The following FIBCD1 variants were observed in gnomAD, a reference collection of about 807,000 sequenced individuals.
FIBCD1 encodes fibrinogen C domain-containing protein 1.
A neutral mutation model predicts 45.1 loss-of-function variants in FIBCD1; 47 were observed. The observed-to-expected ratio is 1.04, with a 90% CI of 0.82 to 1.33. FIBCD1 has a LOEUF of 1.33. FIBCD1 is among the 40% of genes most tolerant of loss of function. The pLI is 0.00. For synonymous variants in FIBCD1, 313 were observed against 308.1 expected, an observed-to-expected ratio of 1.02 and a Z score of -0.17; for missense variants, 653 against 682.2, an observed-to-expected ratio of 0.96 and a Z score of 0.48.
rs1412083767 is a variant in FIBCD1, at chr9:130,922,941, A to T, written c.849+803T>A. On this transcript the variant is annotated intron_variant, in intron 4 of 6. Coordinates refer to ENST00000372338, the MANE Select transcript of FIBCD1 (RefSeq NM_032843.5). This position sits in a 1 kb window ranked among gnomAD's most constrained non-coding sequence, Gnocchi z 4.5. Reference sequence around the variant, plus strand: ...ATGAGAAATGCCCCCTTCTCCAGGAAGCTTTACCCTCCCCTCTGCTACAGT... The same window carrying T: ...ATGAGAAATGCCCCCTTCTCCAGGATGCTTTACCCTCCCCTCTGCTACAGT... Among the ~76,000 whole-genome samples the T allele has an allele frequency of 6.6e-6, 1 of 152,150 alleles. No homozygotes were observed. Among genetic ancestry groups the T allele is most frequent in the East Asian group, 1.9e-4 (1 of 5,202 alleles).
intron 1 of FIBCD1, among the ~76,000 whole-genome samples, chr9:130,931,908 T>C (rs1216784298): frequency 1.3e-5 from 2 of 152,280 alleles, no homozygotes; most frequent in African/African-American, 4.8e-5. Flanking sequence ...ACTTCGTATA[T>C]TAAAGCACTT....
intron 5 of FIBCD1, 88 bp from the exon 6 acceptor site, chr9:130,905,501 T>C (rs1564332209): frequency 7.3e-7 from 1 of 1,377,524 alleles, no homozygotes; most frequent in African/African-American, 1.4e-5. Context: ...GCTGAGCTCA[T>C]GCAGTTGGGG....
chr9:130,929,757 TCTGTCAGCGC>T lies in FIBCD1; in HGVS notation c.352_361del (p.Ala118SerfsTer77), dbSNP rs1309483783. On this transcript the variant is annotated frameshift_variant, in exon 2 of 7. Coordinates refer to ENST00000372338, the MANE Select transcript of FIBCD1 (RefSeq NM_032843.5). LOFTEE classifies it high-confidence loss of function. ...CACCAGCCGTGGCTGGGCCTGGTGC[TCTGTCAGCGC>T]CTGCAGCACCGAGGCCTGGGCGCTC... is the stretch of plus-strand genomic sequence containing the variant. 6.4e-7 allele frequency: 1 copy of T among 1,563,294 alleles called. No individual in the cohort carries two copies. The highest frequency in any genetic ancestry group is 1.9e-5 in the Admixed American group (1 of 53,222).
In FIBCD1 at chr9:130,916,373, G is replaced by T. The variant is rs188123512; in HGVS notation, c.850-4485C>A. Among the ~76,000 whole-genome samples the T allele has an allele frequency of 1.1e-4, 16 of 152,350 alleles. No homozygotes were observed. The East Asian group carries it at 3.1e-3, about 29-fold the overall frequency. ...GAACCACTGACAGCCTTTGCCACGG[G>T]CTGTCCTGATTTCTTGGTTCACACC... On this transcript the variant is annotated intron_variant, in intron 4 of 6. Transcript: ENST00000372338.
At position 130,934,095 on chromosome 9, in the gene FIBCD1, C is replaced by T. The variant is rs540873678; in HGVS notation, c.73-4049G>A. Reference sequence around the variant, plus strand: ...AGCAGAGGCTTGCACAGAGCCTGGGCAGGGGGCTTATGGGCTCTGTGGGTT... The same window carrying T: ...AGCAGAGGCTTGCACAGAGCCTGGGTAGGGGGCTTATGGGCTCTGTGGGTT... On this transcript the variant is annotated intron_variant, in intron 1 of 6. Transcript: ENST00000372338. 1.7e-3 allele frequency among the ~76,000 whole-genome samples: 253 copies of T among 152,236 alleles called. 1 individual carries two copies. Among genetic ancestry groups the T allele is most frequent in the African/African-American group, 5.8e-3 (241 of 41,538 alleles).
At chr9:130,923,653 G>A in intron 4 of FIBCD1, 91 bp downstream of exon 4, 2 of 1,527,398 alleles carry the variant, frequency 1.3e-6, no homozygotes, top group Non-Finnish European at 1.8e-6. Flanking sequence ...GGAGGGCTGG[G>A]TAGGAAGCTG....
In FIBCD1 at chr9:130,905,228, C is replaced by A. The variant is rs1831904669; in HGVS notation, c.1126+6G>T. On this transcript the variant is annotated splice_donor_region_variant and intron_variant, in intron 6 of 6. Coordinates refer to ENST00000372338, the MANE Select transcript of FIBCD1 (RefSeq NM_032843.5). Reference sequence around the variant, plus strand: ...TTCCCCATCCCTGCCACAGCTGGAGCCTCACCTGCAGTGCCGGAATAGTCA... The same window carrying A: ...TTCCCCATCCCTGCCACAGCTGGAGACTCACCTGCAGTGCCGGAATAGTCA... The A allele has an allele frequency of 6.2e-7, 1 of 1,609,440 alleles. No homozygotes were observed. Among genetic ancestry groups the A allele is most frequent in the African/African-American group, 1.3e-5 (1 of 74,890 alleles).
intron 1 of FIBCD1, among the ~76,000 whole-genome samples, chr9:130,931,226 C>T (rs759191143): frequency 7.2e-5 from 11 of 152,162 alleles, no homozygotes; most frequent in Non-Finnish European, 1.3e-4. Context: ...AAACCAGGAA[C>T]GGGACCCGGC....
At chr9:130,912,231 C>T (rs912037665) in intron 4 of FIBCD1, among the ~76,000 whole-genome samples, 1 of 151,546 alleles carries the variant, frequency 6.6e-6, no homozygotes, top group South Asian at 2.1e-4. Flanking sequence ...CATAGTGAGA[C>T]CCCATCTTTA....
chr9:130,934,631 G>A (rs543208484), intron 1 of FIBCD1, among the ~76,000 whole-genome samples: 202 of 152,266 alleles, frequency 1.3e-3, no homozygotes, highest in Non-Finnish European at 2.5e-3. Context: ...CCCTCCCCGC[G>A]ACATACAGCT....
At chr9:130,908,670 A>T (rs1213288656) in intron 5 of FIBCD1, among the ~76,000 whole-genome samples, 1 of 152,188 alleles carries the variant, frequency 6.6e-6, no homozygotes, top group African/African-American at 2.4e-5. Flanking sequence ...AGGGCCCCCA[A>T]CTAGGTGGGT....
intron 1 of FIBCD1, among the ~76,000 whole-genome samples, chr9:130,935,625 G>A (rs560876163): frequency 6.6e-5 from 10 of 152,342 alleles, no homozygotes; most frequent in African/African-American, 9.6e-5. Context: ...CACTCACAGC[G>A]GGTGATTTCG....
chr9:130,911,985 C>T, intron 4 of FIBCD1, 97 bp from the exon 5 acceptor site: 3 of 1,144,156 alleles, frequency 2.6e-6, no homozygotes, highest in Non-Finnish European at 3.8e-6. Context: ...CCTCACCCTG[C>T]TCCCAACCTG....
At position 130,905,509 on chromosome 9, in the gene FIBCD1, G is replaced by A. The variant is rs1243011175; in HGVS notation, c.947-96C>T. On this transcript the variant is annotated intron_variant, in intron 5 of 6. Transcript: ENST00000372338. ...AATGACAGCTGAGCTCATGCAGTTG[G>A]GGACAGAAAGGGACAACCACCAAGT... is the stretch of plus-strand genomic sequence containing the variant. 7.3e-6 allele frequency: 9 copies of A among 1,228,796 alleles called. No homozygotes were observed. The African/African-American group carries it at 1.2e-4, about 17-fold the overall frequency. The allele number at this position is 1,228,796 out of a possible 1,614,324, so 76.1% of individuals were successfully genotyped here. A position where few individuals can be genotyped will look rare whatever the true frequency, so the allele number is the denominator to read the frequency against.
chr9:130,913,863 TC>T (rs1275220713), intron 4 of FIBCD1, among the ~76,000 whole-genome samples: 3 of 152,126 alleles, frequency 2.0e-5, no homozygotes, highest in Admixed American at 1.3e-4. Flanking sequence ...GCATTGGCCG[TC>T]GGCTGGGCCT....
intron 1 of FIBCD1, among the ~76,000 whole-genome samples, chr9:130,930,445 C>CGGGGAGACGT (rs1832432617): frequency 6.6e-6 from 1 of 150,910 alleles, no homozygotes; most frequent in Non-Finnish European, 1.5e-5. Flanking sequence ...TGGGGAGATG[C>CGGGGAGACGT]GGGGAGACGC....
intron 5 of FIBCD1, among the ~76,000 whole-genome samples, chr9:130,908,333 G>A (rs749688521): frequency 2.0e-5 from 3 of 152,192 alleles, no homozygotes; most frequent in Non-Finnish European, 4.4e-5. Flanking sequence ...GCTTCCTCCC[G>A]CATCATCTGC....
chr9:130,914,802 C>A (rs115994917), intron 4 of FIBCD1, among the ~76,000 whole-genome samples: 1 of 152,226 alleles, frequency 6.6e-6, no homozygotes, highest in African/African-American at 2.4e-5. Context: ...CCTGACTCTT[C>A]AGGATGTGGC....
intron 4 of FIBCD1, among the ~76,000 whole-genome samples, chr9:130,920,746 C>T (rs139606515): frequency 3.3e-5 from 5 of 152,256 alleles, no homozygotes; most frequent in Non-Finnish European, 7.4e-5. Flanking sequence ...CAAGCCATAC[C>T]GTCTCCCTGC....
Sources: gnomAD v4.1 joint callset for allele counts (sites outside exome capture counted in the v4.1 genomes callset) on GRCh38, gnomAD v4.1.1 for gene constraint, Gnocchi (gnomAD v3.1) non-coding constraint, MANE v1.5 for transcripts, NCBI Gene and HGNC (gene_info 2026-07-23, HGNC 2026-07-21) for gene names.